MYO3B: variants seen among roughly 807,000 people sequenced by gnomAD.
MYO3B encodes myosin-IIIb.
In MYO3B, 156 loss-of-function variants were observed where a neutral mutation model predicts 174.6. That is an observed-to-expected ratio of 0.89 (90% confidence interval 0.78 to 1.02). MYO3B has a LOEUF of 1.02. Ranked by LOEUF, MYO3B falls within the 50% of genes least tolerant of loss-of-function variation. MYO3B has a pLI of 0.00. For missense variants in MYO3B, 1,632 were observed against 1,639.4 expected (o/e 1.00, Z 0.08); for synonymous variants, 563 against 569.1 (o/e 0.99, Z 0.15).
At chr2:170,502,716 T>G (rs1344363022) in intron 28 of MYO3B, among the ~76,000 whole-genome samples, 1 of 152,130 alleles carries the variant, frequency 6.6e-6, no homozygotes, top group Non-Finnish European at 1.5e-5. Flanking sequence ...AGAGACAGAA[T>G]GAGAGAAATA....
intron 7 of MYO3B, among the ~76,000 whole-genome samples, chr2:170,252,061 G>T (rs931438860): frequency 2.0e-5 from 3 of 152,144 alleles, no homozygotes; most frequent in African/African-American, 7.2e-5. Flanking sequence ...GCCTTGATCT[G>T]GCATAGTTCA....
chr2:170,268,850 T>C (rs1382357409), intron 7 of MYO3B, among the ~76,000 whole-genome samples: 1 of 152,036 alleles, frequency 6.6e-6, no homozygotes, highest in Non-Finnish European at 1.5e-5. Context: ...GGATAGAAAT[T>C]AGCATTCCAC....
intron 23 of MYO3B, among the ~76,000 whole-genome samples, chr2:170,453,703 C>T (rs1451611061): frequency 6.6e-6 from 1 of 152,168 alleles, no homozygotes; most frequent in African/African-American, 2.4e-5. Flanking sequence ...TCTAGTTTTG[C>T]AAGATGCTGC....
intron 7 of MYO3B, among the ~76,000 whole-genome samples, chr2:170,251,684 C>G (rs1229402552): frequency 6.6e-6 from 1 of 152,204 alleles, no homozygotes; most frequent in African/African-American, 2.4e-5. Flanking sequence ...AGTGGTCTTG[C>G]TGAAGCCTTG....
At chr2:170,446,790 A>G (rs1455131328) in intron 23 of MYO3B, among the ~76,000 whole-genome samples, 1 of 152,236 alleles carries the variant, frequency 6.6e-6, no homozygotes, top group Non-Finnish European at 1.5e-5. Context: ...CAGATTAACA[A>G]GAGAAAAGCC....
chr2:170,309,052 T>C (rs550389089), intron 7 of MYO3B, among the ~76,000 whole-genome samples: 1 of 152,278 alleles, frequency 6.6e-6, no homozygotes, highest in Non-Finnish European at 1.5e-5. Context: ...CCCTGTTGAA[T>C]CTATAGAGCA....
At chr2:170,219,283 G>A (rs1227397487) in intron 6 of MYO3B, among the ~76,000 whole-genome samples, 1 of 152,188 alleles carries the variant, frequency 6.6e-6, no homozygotes, top group African/African-American at 2.4e-5. Context: ...CTGGACTCAG[G>A]TCTGCCAGGG....
intron 32 of MYO3B, among the ~76,000 whole-genome samples, chr2:170,569,479 T>G (rs968734130): frequency 9.9e-5 from 15 of 152,080 alleles, no homozygotes; most frequent in African/African-American, 3.6e-4. Context: ...TCCTGGAATC[T>G]TGTGAGAGGG....
At chr2:170,189,257 AT>A (rs1456862489) in intron 1 of MYO3B, among the ~76,000 whole-genome samples, 1 of 151,034 alleles carries the variant, frequency 6.6e-6, no homozygotes, top group Non-Finnish European at 1.5e-5. Context: ...TCTTTTCTTT[AT>A]TTTTCACCTT....
chr2:170,228,764 A>C (rs1328624370), intron 6 of MYO3B, among the ~76,000 whole-genome samples: 2 of 152,180 alleles, frequency 1.3e-5, no homozygotes, highest in Admixed American at 1.3e-4. Flanking sequence ...TCCTGGGAAA[A>C]AAGAGACCCA....
At chr2:170,389,387 C>T (rs1207720958) in intron 14 of MYO3B, among the ~76,000 whole-genome samples, 2 of 152,176 alleles carry the variant, frequency 1.3e-5, no homozygotes, top group Non-Finnish European at 2.9e-5. Context: ...AGCCACAGCC[C>T]ATCAGTGACT....
chr2:170,416,522 CAAAAAA>C (rs1209503137), intron 22 of MYO3B, among the ~76,000 whole-genome samples: 1 of 60,118 alleles, frequency 1.7e-5, no homozygotes. Context: ...GACTCCGTCT[CAAAAAA>C]AAAAAAAAAA....
intron 7 of MYO3B, among the ~76,000 whole-genome samples, chr2:170,305,686 A>T (rs1212982752): frequency 6.6e-6 from 1 of 152,184 alleles, no homozygotes; most frequent in African/African-American, 2.4e-5. Flanking sequence ...TTGCTGCATG[A>T]TAGACTACCC....
intron 32 of MYO3B, among the ~76,000 whole-genome samples, chr2:170,626,148 G>T (rs531286614): frequency 6.6e-6 from 1 of 152,136 alleles, no homozygotes; most frequent in Non-Finnish European, 1.5e-5. Context: ...AATGTTGACC[G>T]TGGGGTGTTG....
intron 8 of MYO3B, among the ~76,000 whole-genome samples, chr2:170,366,124 T>C (rs2094196299): frequency 6.6e-6 from 1 of 152,142 alleles, no homozygotes; most frequent in South Asian, 2.1e-4. Context: ...TCCCTGTATG[T>C]AAGTTTCTCC....
At chr2:170,622,233 G>C (rs975972480) in intron 32 of MYO3B, among the ~76,000 whole-genome samples, 7 of 152,230 alleles carry the variant, frequency 4.6e-5, no homozygotes, top group Admixed American at 3.3e-4. Context: ...TAATTGTTAA[G>C]GTTCCTAACC....
chr2:170,276,756 T>G (rs2093466419), intron 7 of MYO3B, among the ~76,000 whole-genome samples: 1 of 152,156 alleles, frequency 6.6e-6, no homozygotes, highest in Non-Finnish European at 1.5e-5. Flanking sequence ...TCCATTTCCT[T>G]TTGTAGCAGC....
intron 7 of MYO3B, among the ~76,000 whole-genome samples, chr2:170,273,431 C>A (rs2093439762): frequency 6.6e-6 from 1 of 152,092 alleles, no homozygotes; most frequent in Non-Finnish European, 1.5e-5. Flanking sequence ...GGATGAAGTT[C>A]AAATCTCTTG....
At chr2:170,295,096 A>G (rs1046647573) in intron 7 of MYO3B, among the ~76,000 whole-genome samples, 7 of 152,026 alleles carry the variant, frequency 4.6e-5, no homozygotes, top group South Asian at 2.1e-4. Flanking sequence ...TAGTTTTACT[A>G]TAACTAAATT....
Sources: gnomAD v4.1 joint callset for allele counts (sites outside exome capture counted in the v4.1 genomes callset) on GRCh38, gnomAD v4.1.1 for gene constraint, MANE v1.5 for transcripts, NCBI Gene and HGNC (gene_info 2026-07-23, HGNC 2026-07-21) for gene names.